Variants in ACSF2 observed in about 807,000 individuals in gnomAD.
The protein encoded by ACSF2 is acyl-CoA synthetase family member 2.
In ACSF2, 52 loss-of-function variants were observed where a neutral mutation model predicts 79.3. The ratio of observed to expected loss-of-function variants is 0.66; its 90% CI spans 0.53 to 0.83. The LOEUF (loss-of-function observed/expected upper bound fraction) is 0.83, where lower values mean the gene tolerates loss of function less well. Among genes scored for constraint, ACSF2 ranks in the 40% least tolerant of loss-of-function variants. ACSF2 has a pLI of 0.00. For missense variants in ACSF2, 661 were observed against 803.3 expected (o/e 0.82, Z 2.14); for synonymous variants, 283 against 312.6 (o/e 0.91, Z 1.00).
Position 50,471,228 on chromosome 17 carries a change from C to G in ACSF2, c.1323+93C>G. 1 of 1,033,922 alleles carries G rather than the reference C, an allele frequency of 9.7e-7. No homozygotes were observed. Among genetic ancestry groups the G allele is most frequent in the Non-Finnish European group, 1.5e-6 (1 of 668,392 alleles). The allele number at this position is 1,033,922 out of a possible 1,614,324, so 64.0% of individuals were successfully genotyped here. A position where few individuals can be genotyped will look rare whatever the true frequency, so the allele number is the denominator to read the frequency against. On this transcript the variant is annotated intron_variant, in intron 11 of 15. Coordinates refer to ENST00000300441, the MANE Select transcript of ACSF2 (RefSeq NM_025149.6). This position sits in a 1 kb window ranked among gnomAD's most constrained non-coding sequence, Gnocchi z 4.1. ...CATCGGTTGCTTTCAGTGAGAGAGT[C>G]AAATGGCTCACTCAGGATGCCTAGA...
At chr17:50,451,829 G>A (rs894676820) in intron 1 of ACSF2, among the ~76,000 whole-genome samples, 1 of 152,078 alleles carries the variant, frequency 6.6e-6, no homozygotes, top group Admixed American at 6.5e-5. Context: ...CGTTTCATCT[G>A]CTTGTTAGCC....
rs146207513 is a variant in ACSF2, at chr17:50,468,294, G to C, written c.1216-2734G>C. ...GCGTTTTCCGACAGGTAGAGCCAGCGCAGGTCCTTGGCTCCCTGGAAGGCG... is the reference window on the plus strand; with the variant it reads ...GCGTTTTCCGACAGGTAGAGCCAGCCCAGGTCCTTGGCTCCCTGGAAGGCG... On this transcript the variant is annotated intron_variant, in intron 10 of 15. Coordinates refer to ENST00000300441, the MANE Select transcript of ACSF2 (RefSeq NM_025149.6). The C allele has an allele frequency of 4.3e-6, 7 of 1,613,484 alleles. No individual in the cohort carries two copies. Among genetic ancestry groups the C allele is most frequent in the Admixed American group, 1.7e-5 (1 of 59,986 alleles).
At position 50,468,138 on chromosome 17, in the gene ACSF2, G is replaced by A. The variant is rs35596951; in HGVS notation, c.1216-2890G>A. On this transcript the variant is annotated intron_variant, in intron 10 of 15. Coordinates refer to ENST00000300441, the MANE Select transcript of ACSF2 (RefSeq NM_025149.6). The stretch of plus-strand genomic sequence containing the variant: ...ATGCTTTTCAGGGGGTTGTGGGACA[G>A]CTTCAGCTCCTCCACCACCCGTAGC... The A allele has an allele frequency of 2.1e-3, 3,381 of 1,614,146 alleles. 67 individuals carry two copies. In the African/African-American group the frequency reaches 0.037, roughly 17 times the overall value.
In ACSF2 at chr17:50,461,387, T is replaced by C; in HGVS notation, c.453+17T>C. 6.2e-7 allele frequency: 1 copy of C among 1,613,526 alleles called. No homozygotes were observed. Among genetic ancestry groups the C allele is most frequent in the Non-Finnish European group, 8.5e-7 (1 of 1,179,914 alleles). Reference sequence around the variant, plus strand: ...ATCATTCTGGTGAGGAGGGGCTTGCTTGGCACAGCTTGGTGTGCATGGGGG... The same window carrying C: ...ATCATTCTGGTGAGGAGGGGCTTGCCTGGCACAGCTTGGTGTGCATGGGGG... On this transcript the variant is annotated intron_variant, in intron 3 of 15. Transcript: ENST00000300441.
intron 1 of ACSF2, among the ~76,000 whole-genome samples, chr17:50,439,829 G>A (rs1567840693): frequency 1.3e-5 from 2 of 152,142 alleles, no homozygotes; most frequent in Non-Finnish European, 2.9e-5. Flanking sequence ...TTGCCGCTCT[G>A]GTGGGGGTGA....
At chr17:50,429,658 T>G (rs1233413452) in intron 1 of ACSF2, among the ~76,000 whole-genome samples, 2 of 152,096 alleles carry the variant, frequency 1.3e-5, no homozygotes, top group Admixed American at 6.6e-5. Flanking sequence ...TAGCTGGGAT[T>G]ACCGGTGTGC....
At chr17:50,473,309 G>A (rs1432126486) in intron 12 of ACSF2, 1 of 259,970 alleles carries the variant, frequency 3.8e-6, no homozygotes, top group East Asian at 7.6e-5. Context: ...AATGAAATAG[G>A]GTTATAGGAG....
rs1429285751 is a variant in ACSF2, at chr17:50,465,354, C to T, written c.1215+1060C>T. 1 of 1,614,014 alleles carries T rather than the reference C, an allele frequency of 6.2e-7. No individual in the cohort carries two copies. The highest frequency in any genetic ancestry group is 8.5e-7 in the Non-Finnish European group (1 of 1,180,006). On this transcript the variant is annotated intron_variant, in intron 10 of 15. Transcript: ENST00000300441. ...GTGGGGAACTTGCAGCTGCGGAAGG[C>T]GTCCGTGTCACGGATGTGCTGGCCC...
chr17:50,465,162 G>A (rs1598426559), intron 10 of ACSF2: 13 of 1,056,940 alleles, frequency 1.2e-5, no homozygotes, highest in South Asian at 4.7e-5. Context: ...GGACCCAGTC[G>A]TCCCCTCCTC....
At chr17:50,437,519 G>A (rs963387393) in intron 1 of ACSF2, among the ~76,000 whole-genome samples, 9 of 152,054 alleles carry the variant, frequency 5.9e-5, no homozygotes, top group Non-Finnish European at 8.8e-5. Flanking sequence ...CCAGCTGAGC[G>A]TGTGGCTCCT....
rs190340285 is a variant in ACSF2, at chr17:50,438,701, G to A, written c.128+12312G>A. ...CCTGCCTCAGCCTCCCGAGTAGCTG[G>A]GATTATAGGCGTCTGCCACCACACC... On this transcript the variant is annotated intron_variant, in intron 1 of 15. Transcript: ENST00000300441. Among the ~76,000 whole-genome samples, 97 of 152,114 alleles carry A rather than the reference G, an allele frequency of 6.4e-4. 1 individual carries two copies. The East Asian group carries it at 0.017, about 26-fold the overall frequency.
At chr17:50,470,128 T>C in intron 10 of ACSF2, 1 of 152,690 alleles carries the variant, frequency 6.5e-6, no homozygotes, top group Non-Finnish European at 1.5e-5. Context: ...GGAAGCTTGG[T>C]GCAGGGAGGA....
intron 10 of ACSF2, chr17:50,465,933 G>A (rs1182770904): frequency 1.9e-6 from 3 of 1,584,208 alleles, no homozygotes; most frequent in Non-Finnish European, 2.6e-6. Context: ...GTAAGCACCC[G>A]AGTGCCAGAG....
Position 50,463,255 on chromosome 17 carries a change from A to G in ACSF2, c.888+4A>G. The G allele has an allele frequency of 1.2e-6, 2 of 1,613,974 alleles. No individual in the cohort carries two copies. Among genetic ancestry groups the G allele is most frequent in the South Asian group, 2.2e-5 (2 of 91,080 alleles). ...GCGCCTGAAACTGCATGAGAAGGTG[A>G]GGCGGCACTAGGCCCAGGGCAAGGC... On this transcript the variant is annotated splice_donor_region_variant and intron_variant, in intron 7 of 15. Transcript: ENST00000300441. The surrounding 1 kb of genome is among the most constrained non-coding windows in gnomAD (Gnocchi z 4.6).
chr17:50,426,249 G>T lies in ACSF2; in HGVS notation c.-13G>T. The stretch of plus-strand genomic sequence containing the variant: ...AAAGTTTACTCGGGCCGGGACGCAG[G>T]GCAAAGCGAGCCATGGCTGTCTACG... On this transcript the variant is annotated 5_prime_UTR_variant, in exon 1 of 16. Transcript: ENST00000300441. The T allele has an allele frequency of 7.4e-7, 1 of 1,351,486 alleles. No homozygotes were observed. Among genetic ancestry groups the T allele is most frequent in the Non-Finnish European group, 9.6e-7 (1 of 1,044,472 alleles). The allele number at this position is 1,351,486 out of a possible 1,614,324, so 83.7% of individuals were successfully genotyped here. A position where few individuals can be genotyped will look rare whatever the true frequency, so the allele number is the denominator to read the frequency against.
intron 6 of ACSF2, 170 bp from the exon 7 acceptor site, chr17:50,462,986 G>A: frequency 3.1e-6 from 2 of 643,394 alleles, no homozygotes; most frequent in Non-Finnish European, 5.4e-6. Flanking sequence ...CTGCATTGCT[G>A]GACCCTGACA....
chr17:50,434,846 C>T (rs2030257567), intron 1 of ACSF2, among the ~76,000 whole-genome samples: 1 of 151,532 alleles, frequency 6.6e-6, no homozygotes, highest in Non-Finnish European at 1.5e-5. Context: ...TAATTACATA[C>T]AGTAAACTGC....
chr17:50,468,597 C>T, intron 10 of ACSF2: 1 of 1,614,192 alleles, frequency 6.2e-7, no homozygotes, highest in Non-Finnish European at 8.5e-7. Context: ...TTCGGCATGG[C>T]CCGGAACGAA....
At chr17:50,427,721 A>AAAAC (rs768974463) in intron 1 of ACSF2, among the ~76,000 whole-genome samples, 2 of 152,194 alleles carry the variant, frequency 1.3e-5, no homozygotes, top group Admixed American at 6.5e-5. Context: ...TGCCCAATAG[A>AAAAC]AAACAAACAA....
Sources: gnomAD v4.1 joint callset for allele counts (sites outside exome capture counted in the v4.1 genomes callset) on GRCh38, gnomAD v4.1.1 for gene constraint, Gnocchi (gnomAD v3.1) non-coding constraint, MANE v1.5 for transcripts, NCBI Gene and HGNC (gene_info 2026-07-23, HGNC 2026-07-21) for gene names.